The following PSD variants were observed in gnomAD, a reference collection of about 807,000 sequenced individuals.
The protein encoded by PSD is pleckstrin and Sec7 domain containing.
In PSD, 32 loss-of-function variants were observed where a neutral mutation model predicts 91.6. The observed-to-expected ratio is 0.35, with a 90% CI of 0.26 to 0.47. The LOEUF (loss-of-function observed/expected upper bound fraction) is 0.47, where lower values mean the gene tolerates loss of function less well. Among genes scored for constraint, PSD ranks in the 20% least tolerant of loss-of-function variants. The pLI is 1.00. For synonymous variants in PSD, 532 were observed against 569.3 expected (o/e 0.93, Z 0.93); for missense variants, 1,099 against 1,373.9 (o/e 0.80, Z 3.16).
At chr10:102,418,669 C>G (rs1380502115) in intron 1 of PSD, 32 bp downstream of exon 1, 2 of 454,548 alleles carry the variant, frequency 4.4e-6, no homozygotes, top group East Asian at 7.0e-5. Flanking sequence ...ATACCCGGTG[C>G]AGCCCCAACT....
intron 7 of PSD, 68 bp downstream of exon 7, chr10:102,412,076 AAGG>A: frequency 6.8e-7 from 1 of 1,479,758 alleles, no homozygotes; most frequent in Non-Finnish European, 9.4e-7. Context: ...GAGGGGCTCA[AAGG>A]AGGCATCCTG....
chr10:102,418,569 G>C (rs1332616984), intron 1 of PSD, 132 bp downstream of exon 1: 5 of 377,192 alleles, frequency 1.3e-5, no homozygotes, highest in Non-Finnish European at 2.2e-5. Flanking sequence ...CCAGGTAAAG[G>C]GGCCTCTGGT....
At position 102,403,911 on chromosome 10, in the gene PSD, C is replaced by T. The variant is rs1010434914; in HGVS notation, c.2775G>A (p.Gln925=). The T allele has an allele frequency of 6.3e-7, 1 of 1,599,280 alleles. No individual in the cohort carries two copies. The highest frequency in any genetic ancestry group is 8.5e-7 in the Non-Finnish European group (1 of 1,172,880). ...ASELREHRAA[Q]LGKKGRGKEA... Reference sequence around the variant, plus strand: ...CCTTGCCCCGGCCCTTCTTGCCCAGCTGGGCGGCCCGGTGCTCCCGCAGCT... The same window carrying T: ...CCTTGCCCCGGCCCTTCTTGCCCAGTTGGGCGGCCCGGTGCTCCCGCAGCT... The change falls in exon 16 of 17, where the codon CAG becomes CAA. Residue 925 remains glutamine, a synonymous_variant. Coordinates refer to ENST00000020673, the MANE Select transcript of PSD (RefSeq NM_002779.5). The surrounding 1 kb of genome is among the most constrained non-coding windows in gnomAD (Gnocchi z 6.7).
intron 11 of PSD, among the ~76,000 whole-genome samples, chr10:102,406,508 CTTTT>C (rs1192531225): frequency 2.1e-5 from 3 of 140,080 alleles, no homozygotes. Context: ...TTTCTTTTTT[CTTTT>C]TTTTTTTTTT....
At position 102,404,557 on chromosome 10, in the gene PSD, C is replaced by T. The variant is rs370049613; in HGVS notation, c.2700+26G>A. 1.9e-6 allele frequency: 3 copies of T among 1,607,594 alleles called. No homozygotes were observed. The highest frequency in any genetic ancestry group is 2.7e-5 in the African/African-American group (2 of 74,880). ...AGCCTAACACCCTCCATCCCACTGG[C>T]ACTAGGTGGACAGAGCTTGGGCTAC... is the stretch of plus-strand genomic sequence containing the variant. On this transcript the variant is annotated intron_variant, in intron 15 of 16. Coordinates refer to ENST00000020673, the MANE Select transcript of PSD (RefSeq NM_002779.5). The surrounding 1 kb of genome is among the most constrained non-coding windows in gnomAD (Gnocchi z 5.7).
At position 102,414,153 on chromosome 10, in the gene PSD, G is replaced by C. The variant is rs1224722010; in HGVS notation, c.1169C>G (p.Pro390Arg). 4 of 1,613,748 alleles carry C rather than the reference G, an allele frequency of 2.5e-6. No homozygotes were observed. The African/African-American group carries it at 5.3e-5, about 22-fold the overall frequency. ...MPLKSPVPFLPGTSPSADGPD... is the reference protein window; with the variant it reads ...MPLKSPVPFLRGTSPSADGPD... ...CCCATCAGCCGAGGGGCTCGTCCCA[G>C]GTAGAAAGGGCACAGGTGACTTGAG... Residue 390 changes from proline to arginine, a missense_variant, in exon 5 of 17, where the codon CCT becomes CGT. By Grantham distance (103) the Pro-to-Arg change is moderately radical. Around this residue, in one of 3 missense-constraint regions of PSD, gnomAD observed 631 missense variants for 728.8 expected, o/e 0.87. Transcript: ENST00000020673. This position sits in a 1 kb window ranked among gnomAD's most constrained non-coding sequence, Gnocchi z 5.6.
Position 102,416,568 on chromosome 10 carries a change from G to A in PSD, c.471C>T (p.Asp157=). 6.2e-7 allele frequency: 1 copy of A among 1,601,374 alleles called. No homozygotes were observed. Among genetic ancestry groups the A allele is most frequent in the Non-Finnish European group, 8.5e-7 (1 of 1,173,576 alleles). Residue 157 remains aspartate (D), a synonymous_variant, in exon 2 of 17, where the codon GAC becomes GAT. Coordinates refer to ENST00000020673, the MANE Select transcript of PSD (RefSeq NM_002779.5). The surrounding 1 kb of genome is among the most constrained non-coding windows in gnomAD (Gnocchi z 6.0). ...CCGAGCCTCCTCTGGCGGGGAGTGG[G>A]TCTGATGTGGATGCTTCCAGCCGTA... ...RKLRLEASTS[D]PLPARGGSAL...
rs1303101203 is a variant in PSD at position 102,409,155 on chromosome 10, C to T, written c.2091+1703G>A. ...CCCCGTCCGCCCTCGGCCCCCGGGC[C>T]GCCCGGACGGCCCGCGGACCGCTCC... On this transcript the variant is annotated intron_variant, in intron 10 of 16. Coordinates refer to ENST00000020673, the MANE Select transcript of PSD (RefSeq NM_002779.5). The surrounding 1 kb of genome is among the most constrained non-coding windows in gnomAD (Gnocchi z 5.7). 4.1e-6 allele frequency: 4 copies of T among 980,524 alleles called. No individual in the cohort carries two copies. Among genetic ancestry groups the T allele is most frequent in the Non-Finnish European group, 4.8e-6 (4 of 828,170 alleles). 60.7% of individuals were successfully genotyped at this position (980,524 alleles called of 1,614,324 possible).
rs752745096 is a variant in PSD, at chr10:102,405,378, C to T, written c.2294G>A (p.Arg765Gln). Residue 765 changes from arginine (R) to glutamine (Q), a missense_variant, in exon 12 of 17, where the codon CGA becomes CAA. Arg to Gln is a conservative substitution (Grantham distance 43). Coordinates refer to ENST00000020673, the MANE Select transcript of PSD (RefSeq NM_002779.5). This position sits in a 1 kb window ranked among gnomAD's most constrained non-coding sequence, Gnocchi z 5.4. The stretch of plus-strand genomic sequence containing the variant: ...GCAGTCAGGGTCTGCGTGCACCTTT[C>T]GCACCAGGGCCCCGTGCTTGTAGAC... Reference protein sequence around the residue: ...AAVYKHGALVRKVHADPDCRK... With the variant: ...AAVYKHGALVQKVHADPDCRK... 15 of 1,613,220 alleles carry T rather than the reference C, an allele frequency of 9.3e-6. No individual in the cohort carries two copies. Among genetic ancestry groups the T allele is most frequent in the Admixed American group, 1.7e-5 (1 of 59,996 alleles).
In PSD at chr10:102,405,657, A is replaced by C; in HGVS notation, c.2136-121T>G. 1 of 905,288 alleles carries C rather than the reference A, an allele frequency of 1.1e-6. No individual in the cohort carries two copies. Among genetic ancestry groups the C allele is most frequent in the Non-Finnish European group, 1.6e-6 (1 of 608,894 alleles). The allele number at this position is 905,288 out of a possible 1,614,324, so 56.1% of individuals were successfully genotyped here. On this transcript the variant is annotated intron_variant, in intron 11 of 16. Transcript: ENST00000020673. This position sits in a 1 kb window ranked among gnomAD's most constrained non-coding sequence, Gnocchi z 5.4. The stretch of plus-strand genomic sequence containing the variant: ...TTTGTGGCTTGGGGGGCTCAACCTG[A>C]GGGTCCTGCCATGTCTCCCGTCTCA...
rs145630878 is a variant in PSD at position 102,404,273 on chromosome 10, G to A, written c.2701-288C>T. ...TGGGGCAGGAGAACGGCGTGAACCC[G>A]GGAGGCAGAGCTTGCAGTGAGCTGA... On this transcript the variant is annotated intron_variant, in intron 15 of 16. Transcript: ENST00000020673. This position sits in a 1 kb window ranked among gnomAD's most constrained non-coding sequence, Gnocchi z 5.7. Among the ~76,000 whole-genome samples the A allele has an allele frequency of 5.9e-5, 9 of 151,934 alleles. No homozygotes were observed. In the South Asian group the frequency reaches 1.0e-3, roughly 18 times the overall value.
rs753426734 is a variant in PSD, at chr10:102,411,822, G to A, written c.1830-3C>T. 1 of 1,606,986 alleles carries A rather than the reference G, an allele frequency of 6.2e-7. No individual in the cohort carries two copies. The highest frequency in any genetic ancestry group is 8.5e-7 in the Non-Finnish European group (1 of 1,175,704). On this transcript the variant is annotated splice_polypyrimidine_tract_variant and splice_region_variant and intron_variant, in intron 7 of 16. Coordinates refer to ENST00000020673, the MANE Select transcript of PSD (RefSeq NM_002779.5). ...AGGCCAGCTCCTTCAGAAACACCCT[G>A]GAGAAGGGGCAAGAGAGGGTTGCCT...
At position 102,410,622 on chromosome 10, in the gene PSD, C is replaced by T. The variant is rs1475546454; in HGVS notation, c.2091+236G>A. Among the ~76,000 whole-genome samples the T allele has an allele frequency of 6.6e-6, 1 of 152,220 alleles. No homozygotes were observed. Among genetic ancestry groups the T allele is most frequent in the Non-Finnish European group, 1.5e-5 (1 of 68,030 alleles). ...CTCGCGTTTTCCAGAGCCGGGTCCC[C>T]TCCCCCGCCGTGCGCAGTCGCGACC... is the stretch of plus-strand genomic sequence containing the variant. On this transcript the variant is annotated intron_variant, in intron 10 of 16. Coordinates refer to ENST00000020673, the MANE Select transcript of PSD (RefSeq NM_002779.5). This position sits in a 1 kb window ranked among gnomAD's most constrained non-coding sequence, Gnocchi z 6.0.
rs1434638202 is a variant in PSD at position 102,404,275 on chromosome 10, G to C, written c.2701-290C>G. Among the ~76,000 whole-genome samples, 1 of 151,128 alleles carries C rather than the reference G, an allele frequency of 6.6e-6. No homozygotes were observed. Among genetic ancestry groups the C allele is most frequent in the Non-Finnish European group, 1.5e-5 (1 of 67,928 alleles). ...GGGCAGGAGAACGGCGTGAACCCGG[G>C]AGGCAGAGCTTGCAGTGAGCTGAGA... On this transcript the variant is annotated intron_variant, in intron 15 of 16. Transcript: ENST00000020673. The surrounding 1 kb of genome is among the most constrained non-coding windows in gnomAD (Gnocchi z 5.7).
At chr10:102,415,305 T>G in intron 3 of PSD, 76 bp from the exon 4 acceptor site, 50 of 1,458,070 alleles carry the variant, frequency 3.4e-5, no homozygotes, top group Middle Eastern at 1.8e-4. Flanking sequence ...CTAGGATCTC[T>G]GCCCACTGCC....
chr10:102,409,534 A>AG lies in PSD; in HGVS notation c.2091+1323dup, dbSNP rs1025573486. ...GGCTGGTCTGGGTTGGGGTGGTGGG[A>AG]GGGGAGAGGTCGGACCGCTTCCCTG... On this transcript the variant is annotated intron_variant, in intron 10 of 16. Transcript: ENST00000020673. The surrounding 1 kb of genome is among the most constrained non-coding windows in gnomAD (Gnocchi z 5.7). 2.6e-5 allele frequency among the ~76,000 whole-genome samples: 4 copies of AG among 151,892 alleles called. No homozygotes were observed. The highest frequency in any genetic ancestry group is 9.7e-5 in the African/African-American group (4 of 41,334).
Position 102,405,611 on chromosome 10 carries a change from C to T in PSD, c.2136-75G>A, listed in dbSNP as rs2061351992. On this transcript the variant is annotated intron_variant, in intron 11 of 16. Coordinates refer to ENST00000020673, the MANE Select transcript of PSD (RefSeq NM_002779.5). This position sits in a 1 kb window ranked among gnomAD's most constrained non-coding sequence, Gnocchi z 5.4. ...CGCTTCAGTTCTGGCCTCTGCTCGCCCTGGAAAAGCTCCCCCAGTGTTTGT... is the reference window on the plus strand; with the variant it reads ...CGCTTCAGTTCTGGCCTCTGCTCGCTCTGGAAAAGCTCCCCCAGTGTTTGT... 2 of 1,394,102 alleles carry T rather than the reference C, an allele frequency of 1.4e-6. No homozygotes were observed. Among genetic ancestry groups the T allele is most frequent in the Non-Finnish European group, 1.9e-6 (2 of 1,032,882 alleles). 86.4% of individuals were successfully genotyped at this position (1,394,102 alleles called of 1,614,324 possible). A position where few individuals can be genotyped will look rare whatever the true frequency, so the allele number is the denominator to read the frequency against.
At chr10:102,411,846 C>T in intron 7 of PSD, 27 bp from the exon 8 acceptor site, 1 of 1,549,104 alleles carries the variant, frequency 6.5e-7, no homozygotes. Flanking sequence ...AGAGGGTTGC[C>T]TAGCAACCAG....
rs926023028 is a variant in PSD at position 102,411,120 on chromosome 10, G to A, written c.1943-4C>T. On this transcript the variant is annotated splice_region_variant and splice_polypyrimidine_tract_variant and intron_variant, in intron 8 of 16. Coordinates refer to ENST00000020673, the MANE Select transcript of PSD (RefSeq NM_002779.5). ...CAGGTCAGCGTGTGGGCGCCGTCTA[G>A]GGGAGAGCTGACTTTCAGCCTTGGC... The A allele has an allele frequency of 6.2e-7, 1 of 1,601,452 alleles. No homozygotes were observed. The highest frequency in any genetic ancestry group is 1.3e-5 in the African/African-American group (1 of 74,560).
Sources: gnomAD v4.1 joint callset for allele counts (sites outside exome capture counted in the v4.1 genomes callset) on GRCh38, gnomAD v4.1.1 for gene constraint, gnomAD v4.1.1 regional missense constraint, Gnocchi (gnomAD v3.1) non-coding constraint, MANE v1.5 for transcripts, NCBI Gene and HGNC (gene_info 2026-07-23, HGNC 2026-07-21) for gene names.